INTS6: variants seen among roughly 807,000 people sequenced by gnomAD.
INTS6 encodes the protein DEAD box protein.
INTS6 carries 16 observed loss-of-function variants against 104.9 expected under a neutral mutation model. The ratio of observed to expected loss-of-function variants is 0.15; its 90% confidence interval spans 0.10 to 0.23. INTS6 has a LOEUF of 0.23. Among genes scored for constraint, INTS6 ranks in the 10% least tolerant of loss-of-function variants. The pLI is 1.00. For synonymous variants in INTS6, 324 were observed against 358.7 expected (o/e 0.90, Z 1.09); for missense variants, 584 against 1,062.8 (o/e 0.55, Z 6.26).
In INTS6 at chr13:51,451,008, C is replaced by T; in HGVS notation, c.339+17G>A. The stretch of plus-strand genomic sequence containing the variant: ...AATGAAAAATCAACTATTTTGCCAC[C>T]TTATTATTCAACCTACCTGCCCATA... On this transcript the variant is annotated intron_variant, in intron 3 of 17. Transcript: ENST00000311234. 2 of 1,480,606 alleles carry T rather than the reference C, an allele frequency of 1.4e-6. No homozygotes were observed. Among genetic ancestry groups the T allele is most frequent in the Non-Finnish European group, 1.8e-6 (2 of 1,113,792 alleles). 91.7% of individuals were successfully genotyped at this position (1,480,606 alleles called of 1,614,324 possible).
intron 17 of INTS6, among the ~76,000 whole-genome samples, chr13:51,366,983 C>T (rs1955704985): frequency 6.6e-6 from 1 of 151,908 alleles, no homozygotes; most frequent in African/African-American, 2.4e-5. Context: ...TTCTTAATTA[C>T]CATTTATAAC....
chr13:51,340,718 A>C, the INTS6 span: 1 of 281,422 alleles, frequency 3.6e-6, no homozygotes, highest in Non-Finnish European at 6.8e-6. Flanking sequence ...TATACCAAGA[A>C]CAATGAGTAG....
intron 5 of INTS6, among the ~76,000 whole-genome samples, chr13:51,391,769 G>C (rs560262939): frequency 6.6e-6 from 1 of 152,276 alleles, no homozygotes; most frequent in African/African-American, 2.4e-5. Flanking sequence ...ACATTTCTAA[G>C]TTGGTCAATA....
chr13:51,373,226 A>T (rs1374718170), intron 15 of INTS6, among the ~76,000 whole-genome samples: 48 of 151,652 alleles, frequency 3.2e-4, no homozygotes, highest in African/African-American at 2.4e-5. Context: ...GGGTAAGACA[A>T]CTTCAAAGGC....
chr13:51,394,028 T>TAA lies in INTS6; in HGVS notation c.613+1270_613+1271dup, dbSNP rs796248495. ...CCTGTTAAGTAAAATCCCCAGAGTT[T>TAA]AAAAAAAAAAAAAAATCAGAATTTT... On this transcript the variant is annotated intron_variant, in intron 5 of 17. Transcript: ENST00000311234. 1.5e-3 allele frequency among the ~76,000 whole-genome samples: 212 copies of TAA among 141,478 alleles called. 1 individual carries two copies. Among genetic ancestry groups the TAA allele is most frequent in the African/African-American group, 5.1e-3 (198 of 38,572 alleles). 92.8% of individuals were successfully genotyped at this position (141,478 alleles called of 152,430 possible).
downstream of INTS6, among the ~76,000 whole-genome samples, chr13:51,359,885 T>C (rs951030495): frequency 6.6e-6 from 1 of 152,048 alleles, no homozygotes; most frequent in African/African-American, 2.4e-5. Flanking sequence ...TTAAAGACCC[T>C]AGAGAAAAAG....
intron 15 of INTS6, among the ~76,000 whole-genome samples, chr13:51,370,108 AAT>A (rs1955775029): frequency 6.6e-6 from 1 of 151,974 alleles, no homozygotes; most frequent in East Asian, 1.9e-4. Flanking sequence ...AAATCCCCCA[AAT>A]TCCTGACTCT....
intron 15 of INTS6, 68 bp downstream of exon 15, chr13:51,374,140 C>G (rs1955867958): frequency 7.8e-7 from 1 of 1,287,538 alleles, no homozygotes; most frequent in Non-Finnish European, 1.1e-6. Context: ...TAATCTATAA[C>G]AAAAATATCT....
Position 51,362,491 on chromosome 13 carries a change from T to C in INTS6, c.*3261A>G, listed in dbSNP as rs140059943. ...CAAATATTCTTAGGCTTCGACAATA[T>C]TGAACAAAGTCTTTAGATTATTTCT... On this transcript the variant is annotated 3_prime_UTR_variant, in exon 18 of 18. Transcript: ENST00000311234. 6.5e-6 allele frequency: 1 copy of C among 152,676 alleles called. No homozygotes were observed. Among genetic ancestry groups the C allele is most frequent in the African/African-American group, 2.4e-5 (1 of 41,422 alleles). The allele number at this position is 152,676 out of a possible 1,614,324, so 9.5% of individuals were successfully genotyped here. A position where few individuals can be genotyped will look rare whatever the true frequency, so the allele number is the denominator to read the frequency against.
chr13:51,419,341 C>T (rs1372820176), intron 4 of INTS6, among the ~76,000 whole-genome samples: 1 of 152,180 alleles, frequency 6.6e-6, no homozygotes, highest in Non-Finnish European at 1.5e-5. Flanking sequence ...TTTCATCAAT[C>T]TGTAAGACAA....
chr13:51,378,204 C>T (rs372680540), intron 12 of INTS6, 35 bp downstream of exon 12: 29 of 1,445,602 alleles, frequency 2.0e-5, no homozygotes, highest in Non-Finnish European at 2.8e-5. Flanking sequence ...CATAACAGAA[C>T]ATAACTAGAG....
downstream of INTS6, among the ~76,000 whole-genome samples, chr13:51,356,782 CTT>C (rs10563020): frequency 0.047 from 6,949 of 146,932 alleles, 183 homozygotes; most frequent in East Asian, 0.1. Context: ...GATACGAAAC[CTT>C]TTTTTTTTTT....
intron 3 of INTS6, chr13:51,449,593 A>G: frequency 1.7e-5 from 17 of 985,338 alleles, no homozygotes; most frequent in Non-Finnish European, 2.0e-5. Flanking sequence ...GCCATACACT[A>G]ACAACATGAC....
intron 15 of INTS6, 41 bp from the exon 16 acceptor site, chr13:51,369,351 C>A: frequency 6.4e-7 from 1 of 1,552,154 alleles, no homozygotes; most frequent in South Asian, 1.2e-5. Context: ...GGGATCCAGT[C>A]TCAAAGCATA....
Position 51,383,687 on chromosome 13 carries a change from T to C in INTS6, c.949A>G (p.Met317Val), listed in dbSNP as rs1376362501. 1 of 1,613,876 alleles carries C rather than the reference T, an allele frequency of 6.2e-7. No individual in the cohort carries two copies. Among genetic ancestry groups the C allele is most frequent in the Non-Finnish European group, 8.5e-7 (1 of 1,179,854 alleles). Residue 317 changes from methionine (M) to valine (V), a missense_variant, in exon 8 of 18, where the codon ATG (methionine) becomes GTG (valine). By Grantham distance (21) the Met-to-Val change is conservative. This residue lies in a region of INTS6 where 144 missense variants were observed against 348.7 expected (regional missense o/e 0.41). Transcript: ENST00000311234. ...VKFSCTDCEPMVIDKLPFDKY... is the reference protein window; with the variant it reads ...VKFSCTDCEPVVIDKLPFDKY... ...TCAAAAGGAAGTTTATCAATAACCA[T>C]TGGTTCACAGTCTGTACAGGAAAAC...
intron 17 of INTS6, among the ~76,000 whole-genome samples, chr13:51,367,457 A>G (rs1288989506): frequency 6.6e-6 from 1 of 152,048 alleles, no homozygotes; most frequent in African/African-American, 2.4e-5. Context: ...ACACTCAAGT[A>G]CGTTATTTTT....
At chr13:51,361,550 T>C (rs1244817007), downstream of INTS6, 2 of 590,950 alleles carry the variant, frequency 3.4e-6, no homozygotes, top group Non-Finnish European at 3.0e-6. Flanking sequence ...AGAAGAGATA[T>C]CCATCCCATA....
chr13:51,434,987 T>G (rs1429571380), intron 3 of INTS6, among the ~76,000 whole-genome samples: 2 of 152,100 alleles, frequency 1.3e-5, no homozygotes, highest in African/African-American at 4.8e-5. Context: ...TCCTTATATT[T>G]AAGAGCAATT....
At position 51,362,316 on chromosome 13, in the gene INTS6, A is replaced by G. The variant is rs1955595344; in HGVS notation, c.*3436T>C. ...AGTCCTCTTGTGATCCTAGTATTCT[A>G]ATGAATGCACCTGGATTTCTATACT... On this transcript the variant is annotated 3_prime_UTR_variant, in exon 18 of 18. Coordinates refer to ENST00000311234, the MANE Select transcript of INTS6 (RefSeq NM_012141.3). The G allele has an allele frequency of 4.5e-6, 1 of 224,674 alleles. No homozygotes were observed. The highest frequency in any genetic ancestry group is 8.5e-6 in the Non-Finnish European group (1 of 117,592). 13.9% of individuals were successfully genotyped at this position (224,674 alleles called of 1,614,324 possible). A position where few individuals can be genotyped will look rare whatever the true frequency, so the allele number is the denominator to read the frequency against.
Sources: allele counts gnomAD v4.1 joint callset (sites outside exome capture counted in the v4.1 genomes callset), GRCh38; gene constraint gnomAD v4.1.1; regional missense constraint gnomAD v4.1.1; transcripts MANE v1.5; gene names NCBI Gene and HGNC (gene_info 2026-07-23, HGNC 2026-07-21).